ZNF721: variants seen among roughly 807,000 people sequenced by gnomAD.
ZNF721 encodes the protein zinc finger protein 721.
In ZNF721, 2 loss-of-function variants were observed where a neutral mutation model predicts 2.4. The observed-to-expected ratio is 0.82, with a 90% CI of 0.34 to 2.58. ZNF721 has a LOEUF of 2.58. Ranked by LOEUF, ZNF721 falls within the 30% of genes most tolerant of loss-of-function variation. ZNF721 has a pLI of 0.11. For synonymous variants in ZNF721, 398 were observed against 381.8 expected, an observed-to-expected ratio of 1.04 and a Z score of -0.50; for missense variants, 1,187 against 1,085.5, an observed-to-expected ratio of 1.09 and a Z score of -1.31.
At chr4:461,340 C>T (rs1480746121) in intron 2 of ZNF721, among the ~76,000 whole-genome samples, 3 of 152,086 alleles carry the variant, frequency 2.0e-5, no homozygotes, top group African/African-American at 2.4e-5. Flanking sequence ...TAAACAGAAC[C>T]GATGACAAAA....
chr4:464,197 G>A (rs977463677), intron 2 of ZNF721, among the ~76,000 whole-genome samples: 2 of 152,178 alleles, frequency 1.3e-5, no homozygotes, highest in African/African-American at 4.8e-5. Flanking sequence ...GAGGCTGGGT[G>A]CGGTTGCGCA....
At chr4:496,913 C>T (rs1295846772) in intron 1 of ZNF721, among the ~76,000 whole-genome samples, 6 of 151,268 alleles carry the variant, frequency 4.0e-5, no homozygotes, top group Non-Finnish European at 5.9e-5. Flanking sequence ...GGGGTTTCAC[C>T]GTGTTAGCCA....
chr4:486,159 T>TC (rs1553870283), intron 1 of ZNF721, among the ~76,000 whole-genome samples: 1 of 144,214 alleles, frequency 6.9e-6, no homozygotes, highest in Non-Finnish European at 1.5e-5. Flanking sequence ...CTTTTTTTTT[T>TC]CTTTTCTTTT....
At chr4:496,592 G>A (rs2108726889) in intron 1 of ZNF721, among the ~76,000 whole-genome samples, 1 of 151,470 alleles carries the variant, frequency 6.6e-6, no homozygotes, top group African/African-American at 2.4e-5. Context: ...GTTTGGAGTT[G>A]GTCAAATCCG....
At position 442,374 on chromosome 4, in the gene ZNF721, T is replaced by C. The variant is rs782184552; in HGVS notation, c.2093A>G (p.Lys698Arg). 2.5e-6 allele frequency: 4 copies of C among 1,613,848 alleles called. No homozygotes were observed. In the East Asian group the frequency reaches 8.9e-5, roughly 36 times the overall value. The change falls in exon 3 of 3, where the codon AAA becomes AGA. Residue 698 changes from lysine to arginine, a missense_variant. Transcript: ENST00000511833. ...KKIHTGEKPYKCEECGKAFSR... is the reference protein window; with the variant it reads ...KKIHTGEKPYRCEECGKAFSR... Reference sequence around the variant, plus strand: ...AAAGGCTTTGCCACACTCTTCACATTTGTAAGGTTTTTCTCCAGTATGAAT... The same window carrying C: ...AAAGGCTTTGCCACACTCTTCACATCTGTAAGGTTTTTCTCCAGTATGAAT...
At chr4:468,756 T>A (rs1576964856) in intron 2 of ZNF721, among the ~76,000 whole-genome samples, 1 of 152,232 alleles carries the variant, frequency 6.6e-6, no homozygotes, top group African/African-American at 2.4e-5. Flanking sequence ...GATGTTTACC[T>A]GTCAAAAAAC....
Position 444,173 on chromosome 4 carries a change from T to G in ZNF721, c.294A>C (p.Lys98Asn). 1 of 1,613,942 alleles carries G rather than the reference T, an allele frequency of 6.2e-7. No individual in the cohort carries two copies. The highest frequency in any genetic ancestry group is 8.5e-7 in the Non-Finnish European group (1 of 1,179,858). Residue 98 changes from lysine to asparagine, a missense_variant, in exon 3 of 3, where the codon AAA becomes AAC. Coordinates refer to ENST00000511833, the MANE Select transcript of ZNF721 (RefSeq NM_133474.4). ...KVFSKFANSN[K>N]DKTRHTGEKH... ...TCTCTCCAGTATGTCTTGTCTTATCTTTGTTTGAATTTGCAAATTTACTAA... is the reference window on the plus strand; with the variant it reads ...TCTCTCCAGTATGTCTTGTCTTATCGTTGTTTGAATTTGCAAATTTACTAA...
rs370527453 is a variant in ZNF721 at position 441,807 on chromosome 4, T to C, written c.2660A>G (p.His887Arg). ...ACACGTGTAGGGTTTCTCTCCAGTATGAATTTTCTTATGCGCATAAAGATT... is the reference window on the plus strand; with the variant it reads ...ACACGTGTAGGGTTTCTCTCCAGTACGAATTTTCTTATGCGCATAAAGATT... ...SANLYAHKKI[H>R]TGEKPYTCGD... Residue 887 changes from histidine (H) to arginine (R), a missense_variant, in exon 3 of 3, where the codon CAT becomes CGT. Transcript: ENST00000511833. 3 of 1,613,916 alleles carry C rather than the reference T, an allele frequency of 1.9e-6. No homozygotes were observed. Among genetic ancestry groups the C allele is most frequent in the African/African-American group, 2.7e-5 (2 of 74,950 alleles).
intron 2 of ZNF721, among the ~76,000 whole-genome samples, chr4:467,553 G>A (rs900060598): frequency 3.3e-5 from 5 of 152,204 alleles, no homozygotes; most frequent in Non-Finnish European, 7.3e-5. Flanking sequence ...CACCCAGGTG[G>A]CCAACTCCAG....
chr4:468,512 T>C (rs1243397318), intron 2 of ZNF721, among the ~76,000 whole-genome samples: 3 of 152,096 alleles, frequency 2.0e-5, no homozygotes, highest in East Asian at 1.9e-4. Context: ...GGCCATCATA[T>C]GCAGACAAAT....
intron 2 of ZNF721, among the ~76,000 whole-genome samples, chr4:462,167 A>T (rs2108703935): frequency 6.6e-6 from 1 of 152,348 alleles, no homozygotes; most frequent in Middle Eastern, 3.4e-3. Flanking sequence ...TGCTACAAAA[A>T]GAATAAAATA....
chr4:474,278 T>C lies in ZNF721; in HGVS notation c.-93-1577A>G, dbSNP rs575284429. 240 of 344,652 alleles carry C rather than the reference T, an allele frequency of 7.0e-4. 3 individuals carry two copies. The highest frequency in any genetic ancestry group is 5.3e-3 in the South Asian group (239 of 45,458). The allele number at this position is 344,652 out of a possible 1,614,324, so 21.3% of individuals were successfully genotyped here. A position where few individuals can be genotyped will look rare whatever the true frequency, so the allele number is the denominator to read the frequency against. On this transcript the variant is annotated intron_variant, in intron 1 of 2. Coordinates refer to ENST00000511833, the MANE Select transcript of ZNF721 (RefSeq NM_133474.4). ...CCCTCAGGCTTTGAATGACAGAAAT[T>C]GTGACCATACAATGCACTGAATGAG... is the stretch of plus-strand genomic sequence containing the variant.
intron 2 of ZNF721, among the ~76,000 whole-genome samples, chr4:446,519 T>C (rs1272725208): frequency 6.6e-6 from 1 of 151,254 alleles, no homozygotes; most frequent in East Asian, 2.0e-4. Flanking sequence ...TAGCTAGAAC[T>C]ACAGGTACAC....
intron 1 of ZNF721, among the ~76,000 whole-genome samples, chr4:481,429 T>C (rs1168773526): frequency 1.3e-5 from 2 of 152,206 alleles, no homozygotes; most frequent in South Asian, 4.1e-4. Flanking sequence ...CAAAAACTAA[T>C]TTTGATTATT....
chr4:484,070 T>C (rs532649459), intron 1 of ZNF721, among the ~76,000 whole-genome samples: 2 of 152,338 alleles, frequency 1.3e-5, no homozygotes, highest in South Asian at 4.1e-4. Flanking sequence ...GCTGAAGCCA[T>C]GGCAGAAGAA....
intron 2 of ZNF721, among the ~76,000 whole-genome samples, chr4:463,807 G>A (rs1331270549): frequency 3.9e-5 from 6 of 152,140 alleles, no homozygotes; most frequent in African/African-American, 1.4e-4. Flanking sequence ...ACCTAATGTA[G>A]ATGACGGGTT....
intron 1 of ZNF721, among the ~76,000 whole-genome samples, chr4:483,321 C>A (rs1338262425): frequency 1.3e-5 from 2 of 152,152 alleles, no homozygotes; most frequent in Non-Finnish European, 2.9e-5. Flanking sequence ...GAGGCTGAGG[C>A]AGGTGGATCA....
At chr4:473,021 C>T (rs1203513118) in intron 1 of ZNF721, among the ~76,000 whole-genome samples, 1 of 151,976 alleles carries the variant, frequency 6.6e-6, no homozygotes, top group Non-Finnish European at 1.5e-5. Context: ...TTGACCTTGG[C>T]CTTGCTATAA....
At chr4:485,455 G>C (rs1195482260) in intron 1 of ZNF721, among the ~76,000 whole-genome samples, 2 of 152,054 alleles carry the variant, frequency 1.3e-5, no homozygotes, top group East Asian at 3.9e-4. Flanking sequence ...CAGTAGAGGT[G>C]AGTAGAGAAC....
Sources: allele counts gnomAD v4.1 joint callset (sites outside exome capture counted in the v4.1 genomes callset), GRCh38; gene constraint gnomAD v4.1.1; transcripts MANE v1.5; gene names NCBI Gene and HGNC (gene_info 2026-07-23, HGNC 2026-07-21).